CLDN10: variants seen among roughly 807,000 people sequenced by gnomAD.
CLDN10 encodes claudin-10.
CLDN10 carries 15 observed loss-of-function variants against 22.9 expected under a neutral mutation model. That is an observed-to-expected ratio of 0.65 (90% CI 0.44 to 1.01). The LOEUF (loss-of-function observed/expected upper bound fraction) is 1.01, where lower values mean the gene tolerates loss of function less well. Ranked by LOEUF, CLDN10 falls within the 50% of genes least tolerant of loss-of-function variation. CLDN10 has a pLI of 0.00. For synonymous variants in CLDN10, 114 were observed against 111.4 expected (o/e 1.02, Z -0.15); for missense variants, 247 against 287.8 (o/e 0.86, Z 1.03).
intron 1 of CLDN10, among the ~76,000 whole-genome samples, chr13:95,500,663 T>C (rs986133143): frequency 2.0e-5 from 3 of 152,150 alleles, no homozygotes; most frequent in Non-Finnish European, 4.4e-5. Flanking sequence ...GCAATTGCTG[T>C]GAGTAGGGTC....
intron 3 of CLDN10, among the ~76,000 whole-genome samples, chr13:95,566,775 A>G (rs1032433532): frequency 6.6e-6 from 1 of 152,136 alleles, no homozygotes; most frequent in African/African-American, 2.4e-5. Flanking sequence ...TAATTCTTTA[A>G]TCCATCTTGA....
At chr13:95,482,730 A>G (rs563342390) in intron 1 of CLDN10, among the ~76,000 whole-genome samples, 3 of 152,120 alleles carry the variant, frequency 2.0e-5, no homozygotes, top group Non-Finnish European at 2.9e-5. Context: ...TAATCCCAGC[A>G]CTTTGGGAGG....
At chr13:95,451,429 G>A (rs1434500703) in intron 1 of CLDN10, among the ~76,000 whole-genome samples, 2 of 152,062 alleles carry the variant, frequency 1.3e-5, no homozygotes, top group Non-Finnish European at 2.9e-5. Context: ...CTGGCACTTG[G>A]TACTTCTGTT....
chr13:95,472,872 G>C, intron 1 of CLDN10, among the ~76,000 whole-genome samples: 1 of 151,856 alleles, frequency 6.6e-6, no homozygotes, highest in African/African-American at 2.4e-5. Context: ...CTGGTGCAGT[G>C]GCTCACACCT....
chr13:95,435,122 T>G (rs1371115867), intron 1 of CLDN10, among the ~76,000 whole-genome samples: 1 of 152,184 alleles, frequency 6.6e-6, no homozygotes, highest in Non-Finnish European at 1.5e-5. Context: ...AAGGACATTT[T>G]CATACTCCAG....
intron 1 of CLDN10, among the ~76,000 whole-genome samples, chr13:95,512,052 T>C (rs1208438642): frequency 6.1e-5 from 8 of 132,062 alleles, no homozygotes; most frequent in Non-Finnish European, 1.0e-4. Flanking sequence ...ATGAGCAATG[T>C]GTTTGACCAA....
At chr13:95,491,893 A>G (rs1379046987) in intron 1 of CLDN10, among the ~76,000 whole-genome samples, 2 of 151,952 alleles carry the variant, frequency 1.3e-5, no homozygotes, top group Non-Finnish European at 2.9e-5. Flanking sequence ...TTTCCTGTGG[A>G]TGTGGCTTCC....
At chr13:95,573,468 A>G (rs1020609564) in intron 3 of CLDN10, among the ~76,000 whole-genome samples, 1 of 152,238 alleles carries the variant, frequency 6.6e-6, no homozygotes, top group Non-Finnish European at 1.5e-5. Flanking sequence ...TATTGTTCAC[A>G]AAAGACCTGC....
Position 95,467,529 on chromosome 13 carries a change from T to TGGGGG in CLDN10, c.214+33486_214+33490dup, listed in dbSNP as rs1555289388. Among the ~76,000 whole-genome samples the TGGGGG allele has an allele frequency of 7.3e-5, 11 of 150,788 alleles. 1 individual carries two copies. Among genetic ancestry groups the TGGGGG allele is most frequent in the African/African-American group, 2.7e-4 (11 of 41,026 alleles). ...TTACCCCTCCCTCTATTGTTTTTTT[T>TGGGGG]GGGGGGGGCAATTTATTTGTTGATG... On this transcript the variant is annotated intron_variant, in intron 1 of 4. Coordinates refer to the CLDN10 transcript ENST00000376873.
chr13:95,434,927 T>G (rs138432437), intron 1 of CLDN10, among the ~76,000 whole-genome samples: 210 of 152,252 alleles, frequency 1.4e-3, no homozygotes, highest in African/African-American at 4.9e-3. Context: ...AAAAACCATA[T>G]TGAATGATAA....
intron 1 of CLDN10, among the ~76,000 whole-genome samples, chr13:95,504,791 G>A (rs1187701264): frequency 6.6e-6 from 1 of 152,176 alleles, no homozygotes; most frequent in Non-Finnish European, 1.5e-5. Flanking sequence ...CCCCACCTCA[G>A]CCTCCCAAAG....
At chr13:95,445,987 G>A (rs780575818) in intron 1 of CLDN10, among the ~76,000 whole-genome samples, 12 of 152,194 alleles carry the variant, frequency 7.9e-5, no homozygotes, top group Non-Finnish European at 1.2e-4. Context: ...CTAGGAGGAT[G>A]AGAGGTTTTG....
intron 1 of CLDN10, among the ~76,000 whole-genome samples, chr13:95,537,761 G>A (rs1311670093): frequency 1.3e-5 from 2 of 152,152 alleles, no homozygotes; most frequent in East Asian, 3.8e-4. Flanking sequence ...ATAACTACCT[G>A]CCTGGTAATT....
chr13:95,445,276 G>A (rs73561519), intron 1 of CLDN10, among the ~76,000 whole-genome samples: 10 of 152,190 alleles, frequency 6.6e-5, no homozygotes, highest in Admixed American at 2.6e-4. Context: ...TGCACAGAGC[G>A]GGGGAGAATA....
chr13:95,489,910 G>T (rs1165982668), intron 1 of CLDN10, among the ~76,000 whole-genome samples: 1 of 152,166 alleles, frequency 6.6e-6, no homozygotes, highest in African/African-American at 2.4e-5. Context: ...GAGAGATGAG[G>T]ATCCAGTTTC....
chr13:95,567,003 C>G (rs1341904065), intron 3 of CLDN10, among the ~76,000 whole-genome samples: 1 of 152,050 alleles, frequency 6.6e-6, no homozygotes, highest in Non-Finnish European at 1.5e-5. Flanking sequence ...TATTAGTACC[C>G]TGCTGTTTTG....
intron 1 of CLDN10, among the ~76,000 whole-genome samples, chr13:95,455,345 G>A (rs1014103505): frequency 3.9e-5 from 6 of 152,236 alleles, no homozygotes; most frequent in Non-Finnish European, 8.8e-5. Flanking sequence ...CACAGAGGGT[G>A]TTTAATGTCT....
At chr13:95,443,522 G>C (rs557549250) in intron 1 of CLDN10, among the ~76,000 whole-genome samples, 44 of 152,174 alleles carry the variant, frequency 2.9e-4, no homozygotes, top group Non-Finnish European at 4.6e-4. Context: ...ACCACGCAGG[G>C]AAGAACCACG....
intron 1 of CLDN10, among the ~76,000 whole-genome samples, chr13:95,462,475 G>T (rs566693083): frequency 6.6e-6 from 1 of 152,248 alleles, no homozygotes; most frequent in African/African-American, 2.4e-5. Context: ...ACAAAGACTT[G>T]GGTATCAAAG....
Sources: gnomAD v4.1 joint callset for allele counts (sites outside exome capture counted in the v4.1 genomes callset) on GRCh38, gnomAD v4.1.1 for gene constraint, MANE v1.5 for transcripts, NCBI Gene and HGNC (gene_info 2026-07-23, HGNC 2026-07-21) for gene names.